RYR1: variants seen among roughly 807,000 people sequenced by gnomAD.
RYR1 encodes central core disease of muscle.
Under a neutral mutation model 583.5 loss-of-function variants are expected in RYR1, and 342 were observed. The ratio of observed to expected loss-of-function variants is 0.59; its 90% CI spans 0.54 to 0.64. RYR1 has a LOEUF of 0.64. RYR1 is among the 30% of genes least tolerant of loss of function. The pLI, the probability that RYR1 is intolerant of heterozygous loss-of-function variation, is 0.00. For synonymous variants in RYR1, 2,791 were observed against 2,822.5 expected (o/e 0.99, Z 0.35); for missense variants, 6,032 against 6,917.2 (o/e 0.87, Z 4.54).
At chr19:38,555,484 CGT>C (rs1008343956) in intron 89 of RYR1, among the ~76,000 whole-genome samples, 1 of 150,132 alleles carries the variant, frequency 6.7e-6, no homozygotes, top group African/African-American at 2.4e-5. Flanking sequence ...TGTGTGCGCA[CGT>C]GTGTGTGTAT....
intron 24 of RYR1, 97 bp downstream of exon 24, chr19:38,466,495 C>CTT: frequency 8.5e-6 from 8 of 946,390 alleles, no homozygotes; most frequent in Non-Finnish European, 1.1e-5. Context: ...CCCAAATGGG[C>CTT]TATATCTTTT....
At chr19:38,582,521 C>G (rs1162563218) in intron 101 of RYR1, among the ~76,000 whole-genome samples, 1 of 152,110 alleles carries the variant, frequency 6.6e-6, no homozygotes, top group East Asian at 1.9e-4. Flanking sequence ...CGCAGTGACT[C>G]ACGCCTGTAA....
At chr19:38,450,728 C>A (rs1315935709) in intron 11 of RYR1, among the ~76,000 whole-genome samples, 1 of 150,906 alleles carries the variant, frequency 6.6e-6, no homozygotes, top group Non-Finnish European at 1.5e-5. Flanking sequence ...GGTCCTCTGC[C>A]TGAGCTGGCC....
In RYR1 at chr19:38,448,801, G is replaced by C. The variant is rs1373456055; in HGVS notation, c.1110G>C (p.Val370=). 1 of 1,613,794 alleles carries C rather than the reference G, an allele frequency of 6.2e-7. No homozygotes were observed. The highest frequency in any genetic ancestry group is 8.5e-7 in the Non-Finnish European group (1 of 1,180,012). ...APDPKALRLG[V]LKKKAMLHQE... ...ACCCCAAGGCCCTGCGGCTCGGCGT[G>C]CTCAAGAAGAAGGTGGGTGTAATCC... The change falls in exon 11 of 106, where the codon GTG becomes GTC. Residue 370 remains valine (V), a synonymous_variant. Transcript: ENST00000359596.
chr19:38,527,820 C>G, intron 73 of RYR1, 36 bp downstream of exon 73: 1 of 1,610,686 alleles, frequency 6.2e-7, no homozygotes, highest in Non-Finnish European at 8.5e-7. Flanking sequence ...TACTGGGTCT[C>G]TGGGCGGAGC....
chr19:38,515,999 G>A, intron 64 of RYR1, 88 bp from the exon 65 acceptor site: 1 of 1,474,158 alleles, frequency 6.8e-7, no homozygotes. Flanking sequence ...AAGGGTTCTG[G>A]GAGGAGCCGT....
chr19:38,506,844 C>A lies in RYR1; in HGVS notation c.8708C>A (p.Pro2903His). 1 of 1,614,066 alleles carries A rather than the reference C, an allele frequency of 6.2e-7. No homozygotes were observed. The highest frequency in any genetic ancestry group is 1.7e-5 in the Admixed American group (1 of 60,018). The change falls in exon 57 of 106, where the codon CCC becomes CAC. Residue 2903 changes from proline to histidine, a missense_variant. Pro to His is a moderately conservative substitution (Grantham distance 77). Coordinates refer to ENST00000359596, the MANE Select transcript of RYR1 (RefSeq NM_000540.3). ...GCCTCCCCAGGCGGTGGGACCCACC[C>A]CCTGCTGGTCCCCTACGACACGCTC... ...ELEAKGGGTH[P>H]LLVPYDTLTA...
At chr19:38,463,668 G>A in intron 21 of RYR1, 79 bp from the exon 22 acceptor site, 1 of 1,495,088 alleles carries the variant, frequency 6.7e-7, no homozygotes, top group Non-Finnish European at 9.3e-7. Flanking sequence ...TAGGGTTGGA[G>A]GTCAGGGGTC....
intron 20 of RYR1, among the ~76,000 whole-genome samples, chr19:38,462,156 G>T (rs1022486281): frequency 2.0e-5 from 3 of 152,202 alleles, no homozygotes; most frequent in Non-Finnish European, 4.4e-5. Flanking sequence ...CAAAGGTTTG[G>T]TTTTCAGTCA....
chr19:38,557,024 G>A (rs150892293), intron 89 of RYR1, among the ~76,000 whole-genome samples: 230 of 147,736 alleles, frequency 1.6e-3, no homozygotes, highest in African/African-American at 5.1e-3. Context: ...ATTCATTAGA[G>A]ATTGCAAAAT....
intron 28 of RYR1, among the ~76,000 whole-genome samples, chr19:38,475,066 C>T (rs1041028479): frequency 2.0e-5 from 3 of 152,170 alleles, no homozygotes; most frequent in Non-Finnish European, 2.9e-5. Context: ...GGGGGACCCC[C>T]ATATAACCCA....
At chr19:38,532,806 C>A in intron 78 of RYR1, 70 bp downstream of exon 78, 1 of 1,498,324 alleles carries the variant, frequency 6.7e-7, no homozygotes, top group South Asian at 1.1e-5. Flanking sequence ...CCCATTCATT[C>A]AGCATGTGTT....
chr19:38,497,069 A>T, intron 42 of RYR1, 115 bp downstream of exon 42: 1 of 830,762 alleles, frequency 1.2e-6, no homozygotes, highest in Non-Finnish European at 2.0e-6. Flanking sequence ...TGGATGGTCC[A>T]GTGCCCAACC....
chr19:38,527,874 A>T lies in RYR1; in HGVS notation c.10824+90A>T. On this transcript the variant is annotated intron_variant, in intron 73 of 105. Coordinates refer to ENST00000359596, the MANE Select transcript of RYR1 (RefSeq NM_000540.3). ...TCAAGGATGTGGGTGGGGTCTGGAG[A>T]TGACTATTAAGTTTTGGGGCAGGGC... 10 of 1,498,518 alleles carry T rather than the reference A, an allele frequency of 6.7e-6. No individual in the cohort carries two copies. The South Asian group carries it at 1.1e-4, about 17-fold the overall frequency. The allele number at this position is 1,498,518 out of a possible 1,614,324, so 92.8% of individuals were successfully genotyped here. A position where few individuals can be genotyped will look rare whatever the true frequency, so the allele number is the denominator to read the frequency against.
At chr19:38,586,619 C>T (rs770944441) in intron 105 of RYR1, 43 bp downstream of exon 105, 6 of 1,573,416 alleles carry the variant, frequency 3.8e-6, no homozygotes, top group Non-Finnish European at 4.4e-6. Context: ...GGACGTGGAG[C>T]CCTTTAACAT....
chr19:38,502,856 T>A, intron 48 of RYR1, 24 bp from the exon 49 acceptor site: 1 of 1,604,892 alleles, frequency 6.2e-7, no homozygotes, highest in East Asian at 2.2e-5. Flanking sequence ...CGGGGGATTC[T>A]ACATCTTGTG....
At position 38,492,563 on chromosome 19, in the gene RYR1, G is replaced by A. The variant is rs149243437; in HGVS notation, c.6201G>A (p.Leu2067=). 7.4e-6 allele frequency: 12 copies of A among 1,614,036 alleles called. No individual in the cohort carries two copies. The African/African-American group carries it at 1.2e-4, about 16-fold the overall frequency. Residue 2067 remains leucine, a synonymous_variant, in exon 38 of 106, where the codon TTG becomes TTA. Coordinates refer to ENST00000359596, the MANE Select transcript of RYR1 (RefSeq NM_000540.3). ...TTLGSRLMSL[L]EKVRLVKKKE... is the part of the protein sequence containing the mutation. ...TGGGCAGCCGCCTCATGAGCCTGTTGGAGAAAGTGCGGCTGGTGAAGAAGA... is the reference window on the plus strand; with the variant it reads ...TGGGCAGCCGCCTCATGAGCCTGTTAGAGAAAGTGCGGCTGGTGAAGAAGA...
intron 33 of RYR1, among the ~76,000 whole-genome samples, chr19:38,484,263 G>A: frequency 6.6e-6 from 1 of 152,260 alleles, no homozygotes; most frequent in Middle Eastern, 3.4e-3. Context: ...CTGCACTCCA[G>A]CCTGGGCAAC....
chr19:38,443,460 A>T, intron 3 of RYR1, 98 bp from the exon 4 acceptor site: 1 of 1,069,946 alleles, frequency 9.3e-7, no homozygotes, highest in Non-Finnish European at 1.4e-6. Flanking sequence ...ATGGTATTTT[A>T]CAGGGAGCAT....
Sources: gnomAD v4.1 joint callset for allele counts (sites outside exome capture counted in the v4.1 genomes callset) on GRCh38, gnomAD v4.1.1 for gene constraint, MANE v1.5 for transcripts, NCBI Gene and HGNC (gene_info 2026-07-23, HGNC 2026-07-21) for gene names.